PRP4K: variants seen among roughly 807,000 people sequenced by gnomAD.
PRP4K encodes the protein pre-mRNA processing factor kinase PRP4K.
chr6:4,032,303 G>A, the PRP4K span: 1 of 1,613,442 alleles, frequency 6.2e-7, no homozygotes, highest in South Asian at 1.1e-5. Flanking sequence ...CTGATGATAA[G>A]GTTAAAATTG....
the PRP4K span, among the ~76,000 whole-genome samples, chr6:4,045,269 C>T: frequency 6.6e-6 from 1 of 152,150 alleles, no homozygotes; most frequent in African/African-American, 2.4e-5. Flanking sequence ...CCCCCACCCC[C>T]GAACACTTAC....
the PRP4K span, chr6:4,042,407 C>A: frequency 3.6e-6 from 4 of 1,103,534 alleles, no homozygotes; most frequent in African/African-American, 4.9e-5. Context: ...CTGATACCTA[C>A]ATTTTCCTGC....
chr6:4,058,894 A>C, the PRP4K span: 2 of 1,183,648 alleles, frequency 1.7e-6, no homozygotes, highest in East Asian at 2.5e-5. Flanking sequence ...TGAATTAAAA[A>C]AAAAACAAAA....
chr6:4,039,100 C>T, the PRP4K span, among the ~76,000 whole-genome samples: 105 of 152,120 alleles, frequency 6.9e-4, no homozygotes, highest in African/African-American at 2.4e-3. Flanking sequence ...GTGTTTCTTC[C>T]CAGATTCCTT....
At chr6:4,021,395 C>T in the PRP4K span, 269 of 1,566,678 alleles carry the variant, frequency 1.7e-4, 1 homozygote, top group East Asian at 5.8e-3. Context: ...GGAGCCGCCG[C>T]CACCGCCGCC....
chr6:4,037,543 G>A, the PRP4K span: 6 of 1,613,336 alleles, frequency 3.7e-6, no homozygotes, highest in Non-Finnish European at 5.1e-6. Flanking sequence ...AGGTCTCCAA[G>A]AAGAAGAAGC....
chr6:4,028,420 T>C, the PRP4K span, among the ~76,000 whole-genome samples: 3 of 152,030 alleles, frequency 2.0e-5, no homozygotes, highest in African/African-American at 7.2e-5. Context: ...GTCCCCAGGC[T>C]GGCCTTGAAC....
chr6:4,030,192 C>G, the PRP4K span, among the ~76,000 whole-genome samples: 3 of 152,174 alleles, frequency 2.0e-5, no homozygotes, highest in African/African-American at 7.2e-5. Flanking sequence ...ATCTGCCCAC[C>G]TTGGCCTCCC....
the PRP4K span, among the ~76,000 whole-genome samples, chr6:4,025,632 C>A: frequency 6.6e-6 from 1 of 152,204 alleles, no homozygotes; most frequent in Non-Finnish European, 1.5e-5. Context: ...GGGAATGACC[C>A]TTCTACAGTG....
chr6:4,048,161 G>A, the PRP4K span, among the ~76,000 whole-genome samples: 3 of 152,110 alleles, frequency 2.0e-5, no homozygotes, highest in South Asian at 2.1e-4. Flanking sequence ...GGTGGATCAC[G>A]AGGTCAGGAG....
chr6:4,044,567 C>T, the PRP4K span, among the ~76,000 whole-genome samples: 1 of 152,038 alleles, frequency 6.6e-6, no homozygotes, highest in African/African-American at 2.4e-5. Context: ...TGATGTGTTT[C>T]GATCTGGTGC....
chr6:4,052,711 T>C, the PRP4K span: 1 of 1,529,050 alleles, frequency 6.5e-7, no homozygotes, highest in Non-Finnish European at 8.8e-7. Context: ...TTTAATTTTC[T>C]CCTAAAAGCA....
chr6:4,044,972 C>T, the PRP4K span, among the ~76,000 whole-genome samples: 1 of 151,736 alleles, frequency 6.6e-6, no homozygotes, highest in East Asian at 1.9e-4. Flanking sequence ...ACACCATTCT[C>T]CTGCCTCAGC....
chr6:4,060,715 C>T, the PRP4K span: 4 of 1,089,434 alleles, frequency 3.7e-6, no homozygotes, highest in Non-Finnish European at 5.2e-6. This position sits in a 1 kb window ranked among gnomAD's most constrained non-coding sequence, Gnocchi z 4.7. Flanking sequence ...ATTTCTCCAG[C>T]AAATTTGAGG....
At chr6:4,049,602 A>T in the PRP4K span, 2 of 904,118 alleles carry the variant, frequency 2.2e-6, no homozygotes, top group Non-Finnish European at 3.3e-6. Context: ...CATGGCTTTG[A>T]TTCTTCATTG....
the PRP4K span, among the ~76,000 whole-genome samples, chr6:4,021,651 C>T: frequency 2.0e-5 from 3 of 152,124 alleles, no homozygotes; most frequent in African/African-American, 7.2e-5. Flanking sequence ...TCCCAGAGGC[C>T]GTGGCTGCTG....
chr6:4,064,051 C>A, the PRP4K span: 4 of 152,100 alleles, frequency 2.6e-5, no homozygotes, highest in Non-Finnish European at 5.9e-5. Context: ...TCTTGAAGAT[C>A]ATCAGAAATG....
the PRP4K span, among the ~76,000 whole-genome samples, chr6:4,053,698 C>T: frequency 2.0e-5 from 3 of 152,108 alleles, no homozygotes; most frequent in Non-Finnish European, 4.4e-5. Flanking sequence ...CAGTTTGGGT[C>T]GTGTTCGCAA....
chr6:4,052,897 C>T, the PRP4K span: 1 of 1,580,742 alleles, frequency 6.3e-7, no homozygotes, highest in East Asian at 2.2e-5. Context: ...CCAAGCTGCG[C>T]TGTACATCTT....
Sources: gnomAD v4.1 joint callset for allele counts (sites outside exome capture counted in the v4.1 genomes callset) on GRCh38, gnomAD v4.1.1 for gene constraint, Gnocchi (gnomAD v3.1) non-coding constraint, MANE v1.5 for transcripts, NCBI Gene and HGNC (gene_info 2026-07-23, HGNC 2026-07-21) for gene names.